MYT1L: variants seen among roughly 807,000 people sequenced by gnomAD.
MYT1L encodes the protein myelin transcription factor 1-like protein.
In MYT1L, 12 loss-of-function variants were observed where a neutral mutation model predicts 126.7. That is an observed-to-expected ratio of 0.09 (90% confidence interval 0.06 to 0.15). MYT1L has a LOEUF of 0.15. Among genes scored for constraint, MYT1L ranks in the 10% least tolerant of loss-of-function variants. The pLI is 1.00. For missense variants in MYT1L, 979 were observed against 1,585.2 expected, an observed-to-expected ratio of 0.62 and a Z score of 6.49; for synonymous variants, 541 against 604.2, an observed-to-expected ratio of 0.90 and a Z score of 1.53.
intron 5 of MYT1L, among the ~76,000 whole-genome samples, chr2:1,984,304 C>T (rs1054440051): frequency 9.9e-5 from 15 of 151,794 alleles, no homozygotes; most frequent in African/African-American, 3.4e-4. Flanking sequence ...CTTGCTGCAC[C>T]CTCGAACTCC....
chr2:2,063,142 C>A (rs751024645), intron 3 of MYT1L, among the ~76,000 whole-genome samples: 6 of 152,154 alleles, frequency 3.9e-5, no homozygotes, highest in Non-Finnish European at 8.8e-5. Flanking sequence ...CTTTAAATTT[C>A]TAAGTGATCT....
intron 18 of MYT1L, among the ~76,000 whole-genome samples, chr2:1,874,216 T>C (rs1459736601): frequency 6.6e-6 from 1 of 151,802 alleles, no homozygotes; most frequent in Non-Finnish European, 1.5e-5. Context: ...CCAAGATGAA[T>C]TTTAAATGTA....
intron 2 of MYT1L, among the ~76,000 whole-genome samples, chr2:2,249,193 A>G (rs1316958435): frequency 1.3e-5 from 2 of 152,122 alleles, no homozygotes; most frequent in Non-Finnish European, 2.9e-5. Context: ...AAATTAACAT[A>G]CACAAATAAG....
At chr2:2,248,856 A>G (rs1333213784) in intron 2 of MYT1L, among the ~76,000 whole-genome samples, 4 of 152,152 alleles carry the variant, frequency 2.6e-5, no homozygotes, top group Non-Finnish European at 5.9e-5. Context: ...AAAACTGGGT[A>G]TAGAAATAAC....
chr2:1,876,656 G>T (rs528724096), intron 18 of MYT1L, among the ~76,000 whole-genome samples: 20 of 152,254 alleles, frequency 1.3e-4, no homozygotes, highest in Admixed American at 2.6e-4. Flanking sequence ...CTCAGCACCT[G>T]CTGCCTCCCA....
rs567460635 is a variant in MYT1L at position 1,876,661 on chromosome 2, C to T, written c.2711+9878G>A. Among the ~76,000 whole-genome samples, 128 of 152,294 alleles carry T rather than the reference C, an allele frequency of 8.4e-4. 1 individual carries two copies. Among genetic ancestry groups the T allele is most frequent in the Non-Finnish European group, 1.4e-3 (96 of 68,034 alleles). On this transcript the variant is annotated intron_variant, in intron 18 of 24. Coordinates refer to ENST00000647738, the MANE Select transcript of MYT1L (RefSeq NM_001303052.2). ...CCATTGAAACCTCAGCACCTGCTGC[C>T]TCCCATCCCAGCCCTGCACCCCACT...
At chr2:1,851,173 G>GC (rs1354081006) in intron 19 of MYT1L, among the ~76,000 whole-genome samples, 2 of 152,120 alleles carry the variant, frequency 1.3e-5, no homozygotes, top group Non-Finnish European at 1.5e-5. Context: ...GAGAGACAGT[G>GC]CCTAGACTTT....
At chr2:2,107,217 T>C (rs895858906) in intron 3 of MYT1L, among the ~76,000 whole-genome samples, 2 of 152,166 alleles carry the variant, frequency 1.3e-5, no homozygotes, top group Admixed American at 6.5e-5. Context: ...GGGAAGACCA[T>C]CACCATGAAG....
intron 2 of MYT1L, among the ~76,000 whole-genome samples, chr2:2,205,903 C>T (rs761535185): frequency 3.9e-5 from 6 of 152,084 alleles, no homozygotes; most frequent in Non-Finnish European, 7.4e-5. Context: ...TCTCACATAA[C>T]GTTTTACATT....
At chr2:2,117,373 G>C (rs574028678) in intron 3 of MYT1L, among the ~76,000 whole-genome samples, 1 of 152,298 alleles carries the variant, frequency 6.6e-6, no homozygotes, top group Non-Finnish European at 1.5e-5. Flanking sequence ...CCGTCTGCAT[G>C]TTGTCCTGGA....
intron 2 of MYT1L, among the ~76,000 whole-genome samples, chr2:2,283,600 T>C (rs1036425353): frequency 2.6e-5 from 4 of 152,136 alleles, no homozygotes; most frequent in Non-Finnish European, 5.9e-5. Flanking sequence ...CCACTCATAA[T>C]TGGAAGAGAA....
intron 4 of MYT1L, among the ~76,000 whole-genome samples, chr2:2,001,305 T>G (rs1299577928): frequency 6.6e-6 from 1 of 151,462 alleles, no homozygotes; most frequent in African/African-American, 2.4e-5. Context: ...TTTCTAAAAT[T>G]TACCTTTGAC....
At chr2:1,913,988 G>A (rs1000612968) in intron 11 of MYT1L, among the ~76,000 whole-genome samples, 1 of 152,136 alleles carries the variant, frequency 6.6e-6, no homozygotes, top group African/African-American at 2.4e-5. Flanking sequence ...GGGCGTGGTG[G>A]CTCACACCTG....
At chr2:2,094,928 A>T (rs1182785715) in intron 3 of MYT1L, among the ~76,000 whole-genome samples, 1 of 152,226 alleles carries the variant, frequency 6.6e-6, no homozygotes, top group African/African-American at 2.4e-5. Context: ...TATAAAAAAA[A>T]GATTATCAGA....
At chr2:1,919,149 A>T (rs1573568575) in intron 10 of MYT1L, among the ~76,000 whole-genome samples, 1 of 152,326 alleles carries the variant, frequency 6.6e-6, no homozygotes, top group East Asian at 1.9e-4. Context: ...CTTCACAGAT[A>T]TCGAAAGTGT....
chr2:1,823,077 C>A (rs1028339846), intron 21 of MYT1L, among the ~76,000 whole-genome samples: 1 of 152,286 alleles, frequency 6.6e-6, no homozygotes, highest in South Asian at 2.1e-4. Context: ...ACATGTGAAC[C>A]ATAACTCTTC....
intron 11 of MYT1L, among the ~76,000 whole-genome samples, chr2:1,915,456 C>T (rs777166772): frequency 8.5e-5 from 13 of 152,262 alleles, no homozygotes; most frequent in Non-Finnish European, 1.3e-4. Flanking sequence ...TTCATTTAGG[C>T]CTGTCCTGTG....
chr2:1,938,020 C>T (rs935372808), intron 9 of MYT1L, among the ~76,000 whole-genome samples: 1 of 152,220 alleles, frequency 6.6e-6, no homozygotes, highest in African/African-American at 2.4e-5. Flanking sequence ...GAAGAAAGAA[C>T]CTCATATATT....
chr2:2,057,847 G>A (rs1473903880), intron 3 of MYT1L, among the ~76,000 whole-genome samples: 1 of 152,172 alleles, frequency 6.6e-6, no homozygotes, highest in Non-Finnish European at 1.5e-5. Flanking sequence ...ATGCTCTGGA[G>A]GCCATCTGGG....
Sources: gnomAD v4.1 joint callset for allele counts (sites outside exome capture counted in the v4.1 genomes callset) on GRCh38, gnomAD v4.1.1 for gene constraint, MANE v1.5 for transcripts, NCBI Gene and HGNC (gene_info 2026-07-23, HGNC 2026-07-21) for gene names.